TNS3: variants seen among roughly 807,000 people sequenced by gnomAD.
TNS3 encodes the protein tensin 3, also known as tensin-3.
TNS3 carries 45 observed loss-of-function variants against 140.9 expected under a neutral mutation model. The ratio of observed to expected loss-of-function variants is 0.32; its 90% CI spans 0.25 to 0.41. TNS3 has a LOEUF of 0.41. Among genes scored for constraint, TNS3 ranks in the 10% least tolerant of loss-of-function variants. TNS3 has a pLI of 1.00. For missense variants in TNS3, 1,716 were observed against 1,906.7 expected (o/e 0.90, Z 1.86); for synonymous variants, 815 against 788.4 (o/e 1.03, Z -0.56).
chr7:47,524,751 G>A (rs1443356849), intron 2 of TNS3, among the ~76,000 whole-genome samples: 10 of 138,132 alleles, frequency 7.2e-5, no homozygotes, highest in Admixed American at 4.5e-4. Context: ...GCAGTGAGCC[G>A]AGATCGCGCC....
At chr7:47,327,628 C>A (rs1445301228) in intron 20 of TNS3, among the ~76,000 whole-genome samples, 2 of 152,174 alleles carry the variant, frequency 1.3e-5, no homozygotes, top group African/African-American at 4.8e-5. Flanking sequence ...TTTTGTTAGC[C>A]CTGAGTGAAT....
chr7:47,562,311 A>G (rs1800332747), intron 1 of TNS3, among the ~76,000 whole-genome samples: 1 of 152,012 alleles, frequency 6.6e-6, no homozygotes, highest in Non-Finnish European at 1.5e-5. Flanking sequence ...AGACTCAAAG[A>G]GATGGAATTA....
chr7:47,280,471 A>T, intron 28 of TNS3, 117 bp from the exon 29 acceptor site: 1 of 922,944 alleles, frequency 1.1e-6, no homozygotes, highest in Non-Finnish European at 1.8e-6. Context: ...AACATTTCAT[A>T]CTTTTACTCA....
intron 20 of TNS3, among the ~76,000 whole-genome samples, chr7:47,322,213 CAAAAAAAAAA>C (rs759875153): frequency 2.8e-4 from 14 of 49,938 alleles, no homozygotes; most frequent in Admixed American, 2.9e-4. Context: ...GTAGAACGGG[CAAAAAAAAAA>C]AAAAAAAAAA....
intron 9 of TNS3, among the ~76,000 whole-genome samples, chr7:47,424,980 G>A (rs1056491190): frequency 2.0e-5 from 3 of 152,202 alleles, no homozygotes; most frequent in African/African-American, 4.8e-5. Context: ...GAATATGAGT[G>A]CAGTGTCTTA....
At chr7:47,400,333 C>T in intron 15 of TNS3, 60 bp downstream of exon 15, 1 of 1,385,102 alleles carries the variant, frequency 7.2e-7, no homozygotes, top group Non-Finnish European at 1.0e-6. Context: ...CCAGCGTAGC[C>T]ATCATGCACC....
intron 16 of TNS3, among the ~76,000 whole-genome samples, chr7:47,372,012 T>C (rs1308260417): frequency 1.3e-5 from 2 of 152,240 alleles, no homozygotes; most frequent in African/African-American, 4.8e-5. Context: ...TAAACATCAA[T>C]TTAATTTGGT....
chr7:47,473,112 G>T (rs944839381), intron 4 of TNS3, among the ~76,000 whole-genome samples: 6 of 152,322 alleles, frequency 3.9e-5, no homozygotes, highest in Admixed American at 6.5e-5. Flanking sequence ...GCCAATGCCC[G>T]AATGCTGTAT....
chr7:47,441,895 G>A lies in TNS3; in HGVS notation c.-23+108C>T. On this transcript the variant is annotated intron_variant, in intron 5 of 30. Coordinates refer to ENST00000311160, the MANE Select transcript of TNS3 (RefSeq NM_022748.12). ...ATTGGCAATGTTTACAACCAAAGCA[G>A]AAATTATGATTTCTACAGAAGAAAA... The A allele has an allele frequency of 7.1e-6, 6 of 844,674 alleles. No homozygotes were observed. The South Asian group carries it at 8.5e-5, about 12-fold the overall frequency. The allele number at this position is 844,674 out of a possible 1,614,324, so 52.3% of individuals were successfully genotyped here. A position where few individuals can be genotyped will look rare whatever the true frequency, so the allele number is the denominator to read the frequency against.
chr7:47,404,659 G>A (rs1793344808), intron 13 of TNS3, among the ~76,000 whole-genome samples: 1 of 151,868 alleles, frequency 6.6e-6, no homozygotes, highest in Admixed American at 6.6e-5. Flanking sequence ...GGCCGAGGCA[G>A]GCGGATCACA....
At chr7:47,327,946 C>T (rs1465040747) in intron 20 of TNS3, among the ~76,000 whole-genome samples, 16 of 152,066 alleles carry the variant, frequency 1.1e-4, no homozygotes, top group Non-Finnish European at 1.5e-5. Flanking sequence ...AGGGACTGAG[C>T]AGGAAGAAGC....
Position 47,533,850 on chromosome 7 carries a change from C to T in TNS3, c.-264-4703G>A, listed in dbSNP as rs189439894. 6.4e-4 allele frequency among the ~76,000 whole-genome samples: 97 copies of T among 152,238 alleles called. No homozygotes were observed. In the Middle Eastern group the frequency reaches 0.01, roughly 16 times the overall value. The stretch of plus-strand genomic sequence containing the variant: ...CATGTGAGATGTGCCTTTCACCTTT[C>T]GAAATGATTGTGAGGCCTCCCCAGC... On this transcript the variant is annotated intron_variant, in intron 1 of 30. Transcript: ENST00000311160.
chr7:47,370,111 A>T (rs1333768881), intron 16 of TNS3, among the ~76,000 whole-genome samples: 1 of 152,148 alleles, frequency 6.6e-6, no homozygotes, highest in Non-Finnish European at 1.5e-5. Context: ...ACCCGTCTCT[A>T]TTAAAAATAC....
rs571261911 is a variant in TNS3 at position 47,286,977 on chromosome 7, C to A, written c.3929-3112G>T. On this transcript the variant is annotated intron_variant, in intron 27 of 30. Coordinates refer to ENST00000311160, the MANE Select transcript of TNS3 (RefSeq NM_022748.12). ...GGAGTGGTCTTTGGGCTGGAGAACACTTTACCTGCTGTCCACTCTTCCTCC... is the reference window on the plus strand; with the variant it reads ...GGAGTGGTCTTTGGGCTGGAGAACAATTTACCTGCTGTCCACTCTTCCTCC... Among the ~76,000 whole-genome samples, 3 of 152,282 alleles carry A rather than the reference C, an allele frequency of 2.0e-5. No individual in the cohort carries two copies. In the East Asian group the frequency reaches 5.8e-4, roughly 29 times the overall value.
intron 27 of TNS3, among the ~76,000 whole-genome samples, chr7:47,286,066 T>G (rs1785406276): frequency 6.6e-6 from 1 of 152,174 alleles, no homozygotes; most frequent in African/African-American, 2.4e-5. Context: ...GCCTTTGATT[T>G]TATTAGCATT....
chr7:47,531,260 A>G (rs750583553), intron 1 of TNS3, among the ~76,000 whole-genome samples: 2 of 152,138 alleles, frequency 1.3e-5, no homozygotes, highest in African/African-American at 2.4e-5. Context: ...TCTAAAAGTT[A>G]AAAAAATAAA....
intron 16 of TNS3, among the ~76,000 whole-genome samples, chr7:47,370,247 T>C (rs142123097): frequency 0.017 from 2,509 of 151,666 alleles, 63 homozygotes; most frequent in African/African-American, 0.058. Flanking sequence ...CTGCACTCAC[T>C]CCAGCCTGGG....
At chr7:47,399,535 T>C (rs182211210) in intron 15 of TNS3, among the ~76,000 whole-genome samples, 31 of 152,342 alleles carry the variant, frequency 2.0e-4, no homozygotes, top group African/African-American at 7.5e-4. Context: ...TACAACTGAT[T>C]GATCTTCAAC....
intron 16 of TNS3, among the ~76,000 whole-genome samples, chr7:47,380,555 C>T (rs1791690978): frequency 1.3e-5 from 2 of 152,178 alleles, no homozygotes; most frequent in Admixed American, 6.5e-5. Context: ...CCTTCTTGCC[C>T]GGTTAAAGCA....
Sources: gnomAD v4.1 joint callset for allele counts (sites outside exome capture counted in the v4.1 genomes callset) on GRCh38, gnomAD v4.1.1 for gene constraint, MANE v1.5 for transcripts, NCBI Gene and HGNC (gene_info 2026-07-23, HGNC 2026-07-21) for gene names.